The following MTMR14 variants were observed in gnomAD, a reference collection of about 807,000 sequenced individuals.
MTMR14 encodes phosphatidylinositol-3,5-bisphosphate 3-phosphatase MTMR14.
MTMR14 carries 48 observed loss-of-function variants against 86.3 expected under a neutral mutation model. The observed-to-expected ratio is 0.56, with a 90% CI of 0.44 to 0.71. The LOEUF is 0.71. MTMR14 is among the 30% of genes least tolerant of loss of function. MTMR14 has a pLI of 0.00. For missense variants in MTMR14, 780 were observed against 834.6 expected (o/e 0.93, Z 0.81); for synonymous variants, 366 against 326.1 (o/e 1.12, Z -1.32).
intron 14 of MTMR14, among the ~76,000 whole-genome samples, chr3:9,688,378 G>C (rs2076030211): frequency 6.6e-6 from 1 of 152,214 alleles, no homozygotes; most frequent in African/African-American, 2.4e-5. Context: ...TAAGAGTTGG[G>C]GTCTTGCCTG....
chr3:9,663,147 A>T (rs1476350161), intron 3 of MTMR14, among the ~76,000 whole-genome samples: 3 of 152,118 alleles, frequency 2.0e-5, no homozygotes, highest in African/African-American at 7.2e-5. Context: ...CGGTGCGAAA[A>T]TTGGTCCAAG....
chr3:9,651,959 G>A (rs1206683403), intron 1 of MTMR14, among the ~76,000 whole-genome samples: 1 of 152,042 alleles, frequency 6.6e-6, no homozygotes, highest in African/African-American at 2.4e-5. Context: ...AGCCTCCCCA[G>A]TAGGTGGGAG....
chr3:9,681,460 C>A (rs754840505), intron 9 of MTMR14, among the ~76,000 whole-genome samples: 3 of 152,166 alleles, frequency 2.0e-5, no homozygotes, highest in Non-Finnish European at 4.4e-5. Context: ...GAGGCAACAA[C>A]GTAACCATCA....
chr3:9,695,508 C>G (rs1230314242), intron 17 of MTMR14, among the ~76,000 whole-genome samples: 3 of 152,206 alleles, frequency 2.0e-5, no homozygotes, highest in South Asian at 2.1e-4. Flanking sequence ...AAGTGCGGTT[C>G]TTGGCCGGTG....
rs537739604 is a variant in MTMR14 at position 9,675,779 on chromosome 3, G to A, written c.752-1538G>A. 1.1e-3 allele frequency: 470 copies of A among 443,216 alleles called. 4 individuals carry two copies. The highest frequency in any genetic ancestry group is 5.0e-3 in the Middle Eastern group (15 of 2,972). 27.5% of individuals were successfully genotyped at this position (443,216 alleles called of 1,614,324 possible). A position where few individuals can be genotyped will look rare whatever the true frequency, so the allele number is the denominator to read the frequency against. On this transcript the variant is annotated intron_variant, in intron 7 of 18. Coordinates refer to ENST00000296003, the MANE Select transcript of MTMR14 (RefSeq NM_001077525.3). ...GTCTGAGCTCAGCCTGAGGCCTGCA[G>A]TGTTGATTTGAGCAGCTAGAGTTGG...
intron 18 of MTMR14, chr3:9,699,847 G>C (rs1314381941): frequency 6.6e-6 from 1 of 152,222 alleles, no homozygotes; most frequent in Non-Finnish European, 1.5e-5. Context: ...TCCCTCGTAT[G>C]CTATAAGGAG....
chr3:9,668,629 C>G, intron 3 of MTMR14, 90 bp from the exon 4 acceptor site: 2 of 1,377,262 alleles, frequency 1.5e-6, no homozygotes, highest in Admixed American at 3.4e-5. Context: ...GTTATGCTGG[C>G]CTGGAAGAGT....
At chr3:9,671,195 A>G (rs368420480) in intron 6 of MTMR14, 25 bp downstream of exon 6, 1 of 1,614,006 alleles carries the variant, frequency 6.2e-7, no homozygotes, top group African/African-American at 1.3e-5. Flanking sequence ...CCACTACAAA[A>G]TGAGCAGAGG....
chr3:9,678,951 A>C (rs1280645146), intron 9 of MTMR14, among the ~76,000 whole-genome samples: 3 of 152,190 alleles, frequency 2.0e-5, no homozygotes, highest in African/African-American at 7.2e-5. Flanking sequence ...AACAGAAAAC[A>C]TTCTGCCTCC....
At position 9,702,243 on chromosome 3, in the gene MTMR14, G is replaced by A. The variant is rs1377563152; in HGVS notation, c.*270G>A. 3 of 530,532 alleles carry A rather than the reference G, an allele frequency of 5.7e-6. No individual in the cohort carries two copies. The African/African-American group carries it at 5.7e-5, about 10-fold the overall frequency. The allele number at this position is 530,532 out of a possible 1,614,324, so 32.9% of individuals were successfully genotyped here. A position where few individuals can be genotyped will look rare whatever the true frequency, so the allele number is the denominator to read the frequency against. On this transcript the variant is annotated 3_prime_UTR_variant, in exon 19 of 19. Coordinates refer to ENST00000296003, the MANE Select transcript of MTMR14 (RefSeq NM_001077525.3). ...GATTCCCATCAACTCTCAGAACTGT[G>A]TGGGGTTTCCCTGGGGCCTTGTGGA...
chr3:9,683,503 C>T (rs1385474912), intron 10 of MTMR14: 1 of 471,750 alleles, frequency 2.1e-6, no homozygotes. Context: ...TTCACACTGT[C>T]TCAGCATTGC....
chr3:9,653,936 G>C, intron 2 of MTMR14, 167 bp downstream of exon 2: 1 of 876,960 alleles, frequency 1.1e-6, no homozygotes, highest in Non-Finnish European at 1.8e-6. Flanking sequence ...TGGCAAGGTG[G>C]CATGGCATAG....
chr3:9,689,841 T>C (rs2076082125), intron 16 of MTMR14, 123 bp from the exon 17 acceptor site: 2 of 981,078 alleles, frequency 2.0e-6, no homozygotes, highest in Non-Finnish European at 3.0e-6. Flanking sequence ...AGTGCTAATG[T>C]TTGCCAACTC....
At chr3:9,669,564 A>T in intron 5 of MTMR14, 72 bp downstream of exon 5, 2 of 1,505,560 alleles carry the variant, frequency 1.3e-6, no homozygotes, top group Non-Finnish European at 1.8e-6. Flanking sequence ...GGCCATGTTC[A>T]TATTGTCCGT....
Position 9,701,707 on chromosome 3 carries a change from G to A in MTMR14, c.1770-83G>A, listed in dbSNP as rs2076463504. On this transcript the variant is annotated intron_variant, in intron 18 of 18. Coordinates refer to ENST00000296003, the MANE Select transcript of MTMR14 (RefSeq NM_001077525.3). This position sits in a 1 kb window ranked among gnomAD's most constrained non-coding sequence, Gnocchi z 4.2. Reference sequence around the variant, plus strand: ...TACAGTCAGAAGAAGCACAAGGACAGGTGGTATGGAGGGAGGGAGGATGAG... The same window carrying A: ...TACAGTCAGAAGAAGCACAAGGACAAGTGGTATGGAGGGAGGGAGGATGAG... 7.2e-7 allele frequency: 1 copy of A among 1,384,144 alleles called. No individual in the cohort carries two copies. Among genetic ancestry groups the A allele is most frequent in the Admixed American group, 2.1e-5 (1 of 48,524 alleles). The allele number at this position is 1,384,144 out of a possible 1,614,324, so 85.7% of individuals were successfully genotyped here.
chr3:9,673,179 G>A (rs1559584120), intron 7 of MTMR14, among the ~76,000 whole-genome samples: 1 of 152,232 alleles, frequency 6.6e-6, no homozygotes, highest in Non-Finnish European at 1.5e-5. Flanking sequence ...CTGAGTGGAT[G>A]TCACCCTTTG....
At chr3:9,671,286 C>T (rs903632287) in intron 6 of MTMR14, 116 bp downstream of exon 6, 52 of 1,395,130 alleles carry the variant, frequency 3.7e-5, no homozygotes, top group Non-Finnish European at 5.0e-5. Context: ...GCTTTCTGTA[C>T]ATTATCTCAC....
chr3:9,696,332 TACTAAAAATAG>T (rs746462189), intron 17 of MTMR14, among the ~76,000 whole-genome samples: 1 of 152,094 alleles, frequency 6.6e-6, no homozygotes, highest in Non-Finnish European at 1.5e-5. Flanking sequence ...ACCCTATCTC[TACTAAAAATAG>T]ACACAAAAAA....
chr3:9,673,526 T>C (rs927631148), intron 7 of MTMR14, among the ~76,000 whole-genome samples: 7 of 152,210 alleles, frequency 4.6e-5, no homozygotes, highest in Admixed American at 1.3e-4. Flanking sequence ...AGGGAGTAAA[T>C]ACTCTTTCTC....
Sources: allele counts gnomAD v4.1 joint callset (sites outside exome capture counted in the v4.1 genomes callset), GRCh38; gene constraint gnomAD v4.1.1; non-coding constraint Gnocchi (gnomAD v3.1); transcripts MANE v1.5; gene names NCBI Gene and HGNC (gene_info 2026-07-23, HGNC 2026-07-21).